MAGI2: variants seen among roughly 807,000 people sequenced by gnomAD.
MAGI2 encodes membrane-associated guanylate kinase, WW and PDZ domain-containing protein 2.
In MAGI2, 35 loss-of-function variants were observed where a neutral mutation model predicts 133.3. The observed-to-expected ratio is 0.26, with a 90% CI of 0.20 to 0.35. MAGI2 has a LOEUF of 0.35. Among genes scored for constraint, MAGI2 ranks in the 10% least tolerant of loss-of-function variants. The pLI is 1.00. For synonymous variants in MAGI2, 729 were observed against 710.6 expected, an observed-to-expected ratio of 1.03 and a Z score of -0.41; for missense variants, 1,636 against 1,863.4, an observed-to-expected ratio of 0.88 and a Z score of 2.25.
intron 1 of MAGI2, among the ~76,000 whole-genome samples, chr7:79,108,780 G>A (rs185859157): frequency 1.3e-5 from 2 of 152,190 alleles, no homozygotes; most frequent in Non-Finnish European, 1.5e-5. Context: ...GTGGGGCTTG[G>A]TGGGAGGTGT....
At chr7:78,645,027 A>T (rs1563288125) in intron 2 of MAGI2, among the ~76,000 whole-genome samples, 1 of 150,338 alleles carries the variant, frequency 6.7e-6, no homozygotes, top group Non-Finnish European at 1.5e-5. Flanking sequence ...AATGAACAAA[A>T]TTTTTGAAAG....
At chr7:79,293,836 T>C (rs1301497276) in intron 1 of MAGI2, among the ~76,000 whole-genome samples, 5 of 152,164 alleles carry the variant, frequency 3.3e-5, no homozygotes, top group East Asian at 1.9e-4. Flanking sequence ...AGGCACAGTG[T>C]TGGTTGCTGT....
intron 6 of MAGI2, among the ~76,000 whole-genome samples, chr7:78,432,155 G>A (rs1799853594): frequency 6.6e-6 from 1 of 150,722 alleles, no homozygotes; most frequent in Admixed American, 6.6e-5. Flanking sequence ...AAATTTGGTT[G>A]AGCCTAGCTA....
chr7:78,447,123 G>A (rs529074328), intron 6 of MAGI2, among the ~76,000 whole-genome samples: 1 of 151,956 alleles, frequency 6.6e-6, no homozygotes. Flanking sequence ...TAATAATACC[G>A]ATACATGTTA....
intron 1 of MAGI2, among the ~76,000 whole-genome samples, chr7:79,289,822 C>T (rs973228836): frequency 6.6e-6 from 1 of 151,938 alleles, no homozygotes; most frequent in African/African-American, 2.4e-5. Flanking sequence ...TTTTAGTTCA[C>T]TTTTTTATTT....
At chr7:78,664,332 C>A (rs1813305844) in intron 2 of MAGI2, among the ~76,000 whole-genome samples, 2 of 151,972 alleles carry the variant, frequency 1.3e-5, no homozygotes, top group African/African-American at 4.8e-5. Flanking sequence ...TTCCCTATTT[C>A]TTTTTTGTCT....
intron 2 of MAGI2, among the ~76,000 whole-genome samples, chr7:78,977,448 C>T (rs1023663011): frequency 3.8e-5 from 5 of 131,872 alleles, no homozygotes; most frequent in African/African-American, 1.4e-4. Flanking sequence ...AAGCAAAGAC[C>T]TTACAATTTA....
intron 1 of MAGI2, among the ~76,000 whole-genome samples, chr7:79,121,564 A>T (rs904864032): frequency 6.6e-6 from 1 of 151,490 alleles, no homozygotes; most frequent in Admixed American, 6.6e-5. Context: ...CAGTGGGATG[A>T]CCCCCAGCTA....
intron 16 of MAGI2, among the ~76,000 whole-genome samples, chr7:78,148,502 GA>G (rs1823539823): frequency 6.6e-6 from 1 of 152,090 alleles, no homozygotes; most frequent in Admixed American, 6.6e-5. Context: ...GGGGAAAAGT[GA>G]AAAAGCAGAA....
intron 16 of MAGI2, among the ~76,000 whole-genome samples, chr7:78,150,359 A>G (rs1484794864): frequency 2.6e-5 from 4 of 152,186 alleles, no homozygotes; most frequent in Non-Finnish European, 5.9e-5. Flanking sequence ...TCTCTGAAAT[A>G]CTTTCTTATG....
chr7:78,641,043 C>T (rs185905210), intron 2 of MAGI2, among the ~76,000 whole-genome samples: 2 of 152,062 alleles, frequency 1.3e-5, no homozygotes, highest in Admixed American at 1.3e-4. Flanking sequence ...AAGATGCTTC[C>T]CTGTTTGCTG....
At chr7:78,566,087 G>C (rs897199415) in intron 3 of MAGI2, among the ~76,000 whole-genome samples, 5 of 152,178 alleles carry the variant, frequency 3.3e-5, no homozygotes, top group African/African-American at 1.2e-4. Context: ...AGGAGCAGGG[G>C]AATTGAGAAA....
chr7:78,097,991 CGT>C (rs72455336), intron 20 of MAGI2, among the ~76,000 whole-genome samples: 4,137 of 151,972 alleles, frequency 0.027, 127 homozygotes, highest in African/African-American at 0.082. Context: ...TGAAAAATTT[CGT>C]GTGTTATTAA....
chr7:78,920,606 A>C (rs548380779), intron 2 of MAGI2, among the ~76,000 whole-genome samples: 1 of 152,218 alleles, frequency 6.6e-6, no homozygotes, highest in Non-Finnish European at 1.5e-5. Context: ...ATGTTCTGTT[A>C]CCTACTGTGT....
At chr7:78,393,167 G>C (rs1796052141) in intron 6 of MAGI2, among the ~76,000 whole-genome samples, 1 of 152,172 alleles carries the variant, frequency 6.6e-6, no homozygotes, top group East Asian at 1.9e-4. Context: ...ACAAGTCGTA[G>C]TTGGAGGTGG....
intron 2 of MAGI2, among the ~76,000 whole-genome samples, chr7:78,687,357 A>G (rs1254743879): frequency 6.6e-6 from 1 of 152,192 alleles, no homozygotes; most frequent in Non-Finnish European, 1.5e-5. Flanking sequence ...TCACATAGAG[A>G]TAAACTGTAT....
chr7:78,974,724 T>C (rs2116051411), intron 2 of MAGI2, among the ~76,000 whole-genome samples: 1 of 151,924 alleles, frequency 6.6e-6, no homozygotes, highest in African/African-American at 2.4e-5. Context: ...CATCTAATCC[T>C]TATTAATCAG....
intron 2 of MAGI2, among the ~76,000 whole-genome samples, chr7:78,760,214 TC>T (rs1284274651): frequency 1.3e-5 from 2 of 152,206 alleles, no homozygotes; most frequent in South Asian, 4.1e-4. Context: ...TGTATTTTTT[TC>T]ATTATATAAT....
chr7:78,334,837 G>A (rs1418356841), intron 9 of MAGI2, among the ~76,000 whole-genome samples: 1 of 152,146 alleles, frequency 6.6e-6, no homozygotes, highest in Non-Finnish European at 1.5e-5. Context: ...GAGCCCCAGA[G>A]AAAGACTGTT....
Sources: allele counts gnomAD v4.1 joint callset (sites outside exome capture counted in the v4.1 genomes callset), GRCh38; gene constraint gnomAD v4.1.1; transcripts MANE v1.5; gene names NCBI Gene and HGNC (gene_info 2026-07-23, HGNC 2026-07-21).